Variants in HMGB1 observed in about 807,000 individuals in gnomAD.
HMGB1 encodes the protein high mobility group box 1.
For synonymous variants in HMGB1, 81 were observed against 84.0 expected, an observed-to-expected ratio of 0.96 and a Z score of 0.19; for missense variants, 79 against 253.5, an observed-to-expected ratio of 0.31 and a Z score of 4.67.
rs5802576 is a variant in HMGB1, at chr13:30,561,155, T to TA, written c.-15+55515dup. 3.2e-3 allele frequency among the ~76,000 whole-genome samples: 481 copies of TA among 151,400 alleles called. 2 individuals are homozygous for TA. Among genetic ancestry groups the TA allele is most frequent in the African/African-American group, 0.011 (461 of 41,312 alleles). On this transcript the variant is annotated intron_variant, in intron 1 of 4. Transcript: ENST00000405805. ...TTTCAGAAGACTGAGACACATTTGGTAAAAAAAAGTAGGAGGAAAACCTGA... is the reference window on the plus strand; with the variant it reads ...TTTCAGAAGACTGAGACACATTTGGTAAAAAAAAAGTAGGAGGAAAACCTGA...
intron 1 of HMGB1, among the ~76,000 whole-genome samples, chr13:30,465,591 C>T (rs1296890667): frequency 1.3e-5 from 2 of 151,374 alleles, no homozygotes. Context: ...CTCAGGCTGC[C>T]TGAGGGCCGG....
intron 1 of HMGB1, among the ~76,000 whole-genome samples, chr13:30,533,440 T>C (rs552849615): frequency 1.2e-3 from 185 of 152,276 alleles, no homozygotes; most frequent in African/African-American, 4.3e-3. Context: ...TCTTGGGTCA[T>C]TGCAACCTTC....
intron 1 of HMGB1, among the ~76,000 whole-genome samples, chr13:30,564,341 TACTCGGGAGGCTG>T (rs1477207298): frequency 6.7e-6 from 1 of 149,802 alleles, no homozygotes; most frequent in Non-Finnish European, 1.5e-5. Context: ...CAGTCCCAGC[TACTCGGGAGGCTG>T]ACTCGGGAGG....
At chr13:30,533,479 C>T (rs1888542537) in intron 1 of HMGB1, among the ~76,000 whole-genome samples, 1 of 152,146 alleles carries the variant, frequency 6.6e-6, no homozygotes, top group South Asian at 2.1e-4. Context: ...ATTCTCCTGC[C>T]TTAGCCTCCC....
In HMGB1 at chr13:30,463,475, CCT is replaced by C. The variant is rs1382808052; in HGVS notation, c.150+54_150+55del. On this transcript the variant is annotated intron_variant, in intron 2 of 4. Coordinates refer to ENST00000341423, the MANE Select transcript of HMGB1 (RefSeq NM_002128.7). ...ATGCCAACTAGGCTTTTTTTTGCATCCTCAATTGGAAACTGTCTTTTAATTAC... is the reference window on the plus strand; with the variant it reads ...ATGCCAACTAGGCTTTTTTTTGCATCCAATTGGAAACTGTCTTTTAATTAC... 551 of 1,558,566 alleles carry C rather than the reference CCT, an allele frequency of 3.5e-4. 2 individuals carry two copies. The highest frequency in any genetic ancestry group is 1.1e-4 in the Non-Finnish European group (125 of 1,145,606).
intron 1 of HMGB1, among the ~76,000 whole-genome samples, chr13:30,523,522 C>CA (rs1463197292): frequency 3.3e-5 from 2 of 60,084 alleles, no homozygotes; most frequent in Non-Finnish European, 9.4e-5. Context: ...CTACTGAAGC[C>CA]AAGTTTTTTT....
At chr13:30,510,749 A>C (rs1303774234) in intron 1 of HMGB1, among the ~76,000 whole-genome samples, 2 of 152,210 alleles carry the variant, frequency 1.3e-5, no homozygotes, top group Non-Finnish European at 2.9e-5. Context: ...AGAAGCTGTT[A>C]CATGGCTTTT....
intron 1 of HMGB1, among the ~76,000 whole-genome samples, chr13:30,493,945 TA>T (rs1227115052): frequency 0.021 from 3,118 of 146,222 alleles, 107 homozygotes; most frequent in African/African-American, 0.073. Flanking sequence ...GAAATGTCAT[TA>T]AAAAAAAAAA....
intron 1 of HMGB1, among the ~76,000 whole-genome samples, chr13:30,522,017 T>C (rs771532189): frequency 6.6e-6 from 1 of 151,994 alleles, no homozygotes; most frequent in African/African-American, 2.4e-5. Context: ...ACATTCCTTA[T>C]ACACAGTCAA....
At chr13:30,527,522 C>T (rs150819523) in intron 1 of HMGB1, among the ~76,000 whole-genome samples, 2 of 152,152 alleles carry the variant, frequency 1.3e-5, no homozygotes, top group African/African-American at 4.8e-5. Context: ...TCTATGCCAC[C>T]ACTTCCCCTG....
intron 1 of HMGB1, among the ~76,000 whole-genome samples, chr13:30,603,741 T>C (rs1950426028): frequency 6.6e-6 from 1 of 152,222 alleles, no homozygotes; most frequent in Non-Finnish European, 1.5e-5. Context: ...TAAAATGGTA[T>C]AGTATTTGCA....
At chr13:30,522,388 G>C (rs934408599) in intron 1 of HMGB1, among the ~76,000 whole-genome samples, 3 of 152,268 alleles carry the variant, frequency 2.0e-5, no homozygotes, top group South Asian at 2.1e-4. Flanking sequence ...ATAGGTGTGA[G>C]CCACTGTGCC....
rs1870346757 is a variant in HMGB1 at position 30,569,694 on chromosome 13, C to G, written c.-15+46977G>C. Among the ~76,000 whole-genome samples the G allele has an allele frequency of 3.3e-5, 5 of 152,286 alleles. No individual in the cohort carries two copies. In the South Asian group the frequency reaches 1.0e-3, roughly 32 times the overall value. The stretch of plus-strand genomic sequence containing the variant: ...CCAAAGCCCCTGCTCTTAATCACAT[C>G]AACTTCTTTCCTATATCACCTTTCC... On this transcript the variant is annotated intron_variant, in intron 1 of 4. Transcript: ENST00000405805.
rs147384958 is a variant in HMGB1, at chr13:30,533,617, G to A, written c.-14-69923C>T. Among the ~76,000 whole-genome samples the A allele has an allele frequency of 9.2e-3, 1,406 of 152,070 alleles. 15 individuals are homozygous for A. The highest frequency in any genetic ancestry group is 0.032 in the African/African-American group (1,342 of 41,472). On this transcript the variant is annotated intron_variant, in intron 1 of 4. Transcript: ENST00000405805. Reference sequence around the variant, plus strand: ...TGACCTCGAGTGATCCACCGGCCTCGGCCTCCTGAAGTTCTAGGATTACAG... The same window carrying A: ...TGACCTCGAGTGATCCACCGGCCTCAGCCTCCTGAAGTTCTAGGATTACAG...
intron 1 of HMGB1, among the ~76,000 whole-genome samples, chr13:30,537,332 G>T (rs985353778): frequency 2.0e-5 from 3 of 151,892 alleles, no homozygotes; most frequent in Non-Finnish European, 2.9e-5. Context: ...TTAGAAAAAC[G>T]TTGTTTTTAC....
At chr13:30,617,099 C>T (rs983068013) in exon 1 of HMGB1, 2 of 152,310 alleles carry the variant, frequency 1.3e-5, no homozygotes, top group Non-Finnish European at 2.9e-5. Flanking sequence ...CCCCCTTTCT[C>T]TGAAGTTAAA....
chr13:30,553,750 A>G (rs1869542839), intron 1 of HMGB1: 1 of 1,370,274 alleles, frequency 7.3e-7, no homozygotes, highest in South Asian at 1.2e-5. Context: ...GAAATTCGAA[A>G]TGAGTCCCAT....
chr13:30,509,838 G>A (rs1412854471), intron 1 of HMGB1, among the ~76,000 whole-genome samples: 4 of 151,742 alleles, frequency 2.6e-5, no homozygotes, highest in Non-Finnish European at 4.4e-5. Context: ...TTCATTTCCC[G>A]TAGCAAGAAA....
At chr13:30,558,244 C>T (rs146160632) in intron 1 of HMGB1, among the ~76,000 whole-genome samples, 118 of 152,058 alleles carry the variant, frequency 7.8e-4, no homozygotes, top group Non-Finnish European at 1.3e-3. Flanking sequence ...CTACTTTGAT[C>T]GCCTGATTTC....
Sources: gnomAD v4.1 joint callset for allele counts (sites outside exome capture counted in the v4.1 genomes callset) on GRCh38, gnomAD v4.1.1 for gene constraint, MANE v1.5 for transcripts, NCBI Gene and HGNC (gene_info 2026-07-23, HGNC 2026-07-21) for gene names.